Variants in OR1J2 observed in about 807,000 individuals in gnomAD.
OR1J2 encodes the protein olfactory receptor family 1 subfamily J member 2, also known as olfactory receptor 1J2.
For synonymous variants in OR1J2, 142 were observed against 99.7 expected (o/e 1.42, Z -2.52); for missense variants, 304 against 246.1 (o/e 1.24, Z -1.57).
chr9:122,456,889 A>G, the OR1J2 span, among the ~76,000 whole-genome samples: 186 of 152,366 alleles, frequency 1.2e-3, no homozygotes, highest in East Asian at 0.032. Context: ...CCAAAGGAAT[A>G]TAAATTGTTC....
chr9:122,518,493 C>T, the OR1J2 span, among the ~76,000 whole-genome samples: 1 of 152,204 alleles, frequency 6.6e-6, no homozygotes, highest in Non-Finnish European at 1.5e-5. Context: ...TCTTGTGTTT[C>T]TTCTTATAAG....
upstream of OR1J2, among the ~76,000 whole-genome samples, chr9:122,508,127 GGA>G (rs954248287): frequency 6.9e-6 from 1 of 145,324 alleles, no homozygotes; most frequent in Non-Finnish European, 1.5e-5. Context: ...AGTGAGGGGG[GGA>G]GAGAGAGAGA....
At chr9:122,463,523 T>G in the OR1J2 span, among the ~76,000 whole-genome samples, 1 of 152,202 alleles carries the variant, frequency 6.6e-6, no homozygotes, top group Non-Finnish European at 1.5e-5. Context: ...TTGCCAGCAC[T>G]GTTTTTCTGG....
the OR1J2 span, among the ~76,000 whole-genome samples, chr9:122,493,382 C>T: frequency 6.6e-6 from 1 of 152,110 alleles, no homozygotes; most frequent in African/African-American, 2.4e-5. Flanking sequence ...AAGCTTGCTA[C>T]TTGTTATTGG....
chr9:122,513,105 G>C (rs1451935945), downstream of OR1J2, among the ~76,000 whole-genome samples: 1 of 152,110 alleles, frequency 6.6e-6, no homozygotes, highest in Non-Finnish European at 1.5e-5. Context: ...CATTTGCCAT[G>C]TTTTTTGACA....
chr9:122,504,072 C>T, the OR1J2 span, among the ~76,000 whole-genome samples: 1 of 152,286 alleles, frequency 6.6e-6, no homozygotes, highest in South Asian at 2.1e-4. Context: ...GCCCAGGCTA[C>T]CTGTTTCTGA....
chr9:122,510,111 A>G (rs888349335), upstream of OR1J2, among the ~76,000 whole-genome samples: 3 of 152,150 alleles, frequency 2.0e-5, no homozygotes, highest in Non-Finnish European at 4.4e-5. Context: ...CCTGTGTAAC[A>G]AACCTGCACG....
the OR1J2 span, among the ~76,000 whole-genome samples, chr9:122,461,049 C>T: frequency 5.9e-5 from 9 of 152,216 alleles, no homozygotes; most frequent in African/African-American, 2.2e-4. Flanking sequence ...ACAATCATAT[C>T]ATCAGCAAAC....
At chr9:122,461,356 A>G in the OR1J2 span, among the ~76,000 whole-genome samples, 1 of 151,412 alleles carries the variant, frequency 6.6e-6, no homozygotes, top group Non-Finnish European at 1.5e-5. Flanking sequence ...CTTTTTGTAC[A>G]TCTATTGAGA....
At chr9:122,494,385 T>C in the OR1J2 span, among the ~76,000 whole-genome samples, 1 of 152,208 alleles carries the variant, frequency 6.6e-6, no homozygotes, top group Non-Finnish European at 1.5e-5. Flanking sequence ...CATATACATT[T>C]AAAATTGTGA....
chr9:122,447,837 T>C, the OR1J2 span, among the ~76,000 whole-genome samples: 2 of 152,222 alleles, frequency 1.3e-5, no homozygotes, highest in South Asian at 4.1e-4. Context: ...CAAGATAAAA[T>C]AAATTAAAAA....
At chr9:122,534,344 T>A in the OR1J2 span, among the ~76,000 whole-genome samples, 1 of 152,196 alleles carries the variant, frequency 6.6e-6, no homozygotes, top group Non-Finnish European at 1.5e-5. Flanking sequence ...TAAGATGGTT[T>A]TTTGACTTTT....
the OR1J2 span, among the ~76,000 whole-genome samples, chr9:122,483,925 A>G: frequency 6.6e-6 from 1 of 152,166 alleles, no homozygotes; most frequent in African/African-American, 2.4e-5. Context: ...TCATTAGCAG[A>G]AAGGTCAGAC....
At chr9:122,488,987 A>G in the OR1J2 span, among the ~76,000 whole-genome samples, 2 of 151,844 alleles carry the variant, frequency 1.3e-5, no homozygotes, top group African/African-American at 4.8e-5. Context: ...ATTTCTCTTA[A>G]TGCTATCCCT....
chr9:122,450,238 C>G, the OR1J2 span, among the ~76,000 whole-genome samples: 1 of 152,072 alleles, frequency 6.6e-6, no homozygotes, highest in Non-Finnish European at 1.5e-5. Flanking sequence ...TGAGACCAGC[C>G]TAGGCAACGT....
chr9:122,533,365 T>C, the OR1J2 span, among the ~76,000 whole-genome samples: 4 of 152,142 alleles, frequency 2.6e-5, no homozygotes, highest in Non-Finnish European at 5.9e-5. Flanking sequence ...TTTTAAAGCA[T>C]GCTGTGAGAT....
At chr9:122,573,273 C>G in the OR1J2 span, among the ~76,000 whole-genome samples, 2 of 152,224 alleles carry the variant, frequency 1.3e-5, no homozygotes, top group South Asian at 2.1e-4. Flanking sequence ...GACAGGGACC[C>G]CTGAGGCTTC....
At chr9:122,482,670 A>G in the OR1J2 span, among the ~76,000 whole-genome samples, 25 of 152,220 alleles carry the variant, frequency 1.6e-4, no homozygotes, top group Non-Finnish European at 1.0e-4. Context: ...ATGGAATACT[A>G]TTAAGCCATA....
chr9:122,495,318 C>T, the OR1J2 span, among the ~76,000 whole-genome samples: 1 of 152,096 alleles, frequency 6.6e-6, no homozygotes, highest in Non-Finnish European at 1.5e-5. Context: ...TTGGGAACAC[C>T]AATTATTCTT....
Sources: allele counts gnomAD v4.1 joint callset (sites outside exome capture counted in the v4.1 genomes callset), GRCh38; gene constraint gnomAD v4.1.1; transcripts MANE v1.5; gene names NCBI Gene and HGNC (gene_info 2026-07-23, HGNC 2026-07-21).